Variants in RHBDL3 observed in about 807,000 individuals in gnomAD.
RHBDL3 encodes rhomboid-related protein 3.
In RHBDL3, 28 loss-of-function variants were observed where a neutral mutation model predicts 48.2. That is an observed-to-expected ratio of 0.58 (90% CI 0.43 to 0.80). RHBDL3 has a LOEUF of 0.80. Ranked by LOEUF, RHBDL3 falls within the 30% of genes least tolerant of loss-of-function variation. RHBDL3 has a pLI of 0.00. For missense variants in RHBDL3, 464 were observed against 542.7 expected (o/e 0.85, Z 1.44); for synonymous variants, 208 against 232.3 (o/e 0.90, Z 0.95).
intron 6 of RHBDL3, among the ~76,000 whole-genome samples, chr17:32,301,217 A>G (rs1191012513): frequency 1.3e-5 from 2 of 151,964 alleles, no homozygotes. Flanking sequence ...CTTGAGGCCA[A>G]TGTGAAAATC....
chr17:32,284,624 C>T, intron 2 of RHBDL3, 35 bp from the exon 3 acceptor site: 2 of 1,606,646 alleles, frequency 1.2e-6, no homozygotes, highest in Non-Finnish European at 1.7e-6. Flanking sequence ...GAGGTGGTGC[C>T]CTGCTGACCC....
At chr17:32,313,751 CTTTTTTTTTT>C (rs559422433) in intron 7 of RHBDL3, among the ~76,000 whole-genome samples, 3 of 98,638 alleles carry the variant, frequency 3.0e-5, no homozygotes, top group Non-Finnish European at 3.8e-5. Flanking sequence ...AATTCCCTCC[CTTTTTTTTTT>C]TTTTTTTTTT....
At chr17:32,271,236 A>G (rs149517051) in intron 2 of RHBDL3, among the ~76,000 whole-genome samples, 219 of 152,306 alleles carry the variant, frequency 1.4e-3, no homozygotes, top group African/African-American at 4.9e-3. Context: ...CTCCATCTGC[A>G]TCTGATTCCT....
intron 5 of RHBDL3, among the ~76,000 whole-genome samples, chr17:32,294,886 G>A (rs1051921271): frequency 6.6e-5 from 10 of 152,178 alleles, no homozygotes; most frequent in Non-Finnish European, 1.0e-4. Context: ...GAACTCTGAC[G>A]ATAATTATAG....
At chr17:32,272,741 G>C (rs1226224937) in intron 2 of RHBDL3, among the ~76,000 whole-genome samples, 2 of 152,210 alleles carry the variant, frequency 1.3e-5, no homozygotes, top group Non-Finnish European at 2.9e-5. Flanking sequence ...ACAGGGCCGA[G>C]GGATCCGAGG....
In RHBDL3 at chr17:32,272,797, G is replaced by A. The variant is rs186017126; in HGVS notation, c.135+4872G>A. ...TGCCTGACACATAATAGATACACAC[G>A]TTTGAGCGAACGACAGGTCGAACTA... is the stretch of plus-strand genomic sequence containing the variant. On this transcript the variant is annotated intron_variant, in intron 2 of 8. Coordinates refer to ENST00000269051, the MANE Select transcript of RHBDL3 (RefSeq NM_138328.3). Among the ~76,000 whole-genome samples, 42 of 152,320 alleles carry A rather than the reference G, an allele frequency of 2.8e-4. 2 individuals carry two copies. Among genetic ancestry groups the A allele is most frequent in the East Asian group, 1.5e-3 (8 of 5,172 alleles).
At chr17:32,280,469 T>TC (rs1374135521) in intron 2 of RHBDL3, 1 of 152,066 alleles carries the variant, frequency 6.6e-6, no homozygotes, top group Non-Finnish European at 1.5e-5. Context: ...ATCCCAGTCC[T>TC]CCTTAAGCAG....
chr17:32,302,253 T>A (rs925876040), intron 6 of RHBDL3, among the ~76,000 whole-genome samples: 19 of 152,366 alleles, frequency 1.2e-4, no homozygotes, highest in Middle Eastern at 3.4e-3. Context: ...AGGGCCTTTA[T>A]TACTGTGTTT....
intron 1 of RHBDL3, chr17:32,267,689 G>A (rs1597602007): frequency 1.2e-6 from 1 of 840,770 alleles, no homozygotes. Flanking sequence ...CTTACTGTGA[G>A]TTTCCTCCCT....
At chr17:32,297,322 G>C (rs897433076) in intron 5 of RHBDL3, among the ~76,000 whole-genome samples, 1 of 152,100 alleles carries the variant, frequency 6.6e-6, no homozygotes, top group Non-Finnish European at 1.5e-5. Context: ...ACAAAAATTA[G>C]CCGGGCATGG....
In RHBDL3 at chr17:32,321,234, T is replaced by C. The variant is rs1200523680; in HGVS notation, c.*5T>C. ...AAGCTGCCGCCTCCCCCCTGAGGGC[T>C]GGAGGCCCAAGGTCGGGGAGGGGAG... On this transcript the variant is annotated 3_prime_UTR_variant, in exon 9 of 9. Coordinates refer to ENST00000269051, the MANE Select transcript of RHBDL3 (RefSeq NM_138328.3). 1.9e-6 allele frequency: 3 copies of C among 1,614,034 alleles called. No homozygotes were observed. The highest frequency in any genetic ancestry group is 2.5e-6 in the Non-Finnish European group (3 of 1,180,018).
Position 32,299,473 on chromosome 17 carries a change from G to T in RHBDL3, c.781+1269G>T, listed in dbSNP as rs371222788. On this transcript the variant is annotated intron_variant, in intron 6 of 8. Transcript: ENST00000269051. ...ATGAGCATCTCTAAGTGCCAGACTT[G>T]TTCAGCCACCCACACACCCCCTAAT... 3.0e-4 allele frequency among the ~76,000 whole-genome samples: 45 copies of T among 152,282 alleles called. No individual in the cohort carries two copies. The South Asian group carries it at 9.1e-3, about 31-fold the overall frequency.
In RHBDL3 at chr17:32,321,582, T is replaced by G; in HGVS notation, c.*353T>G. On this transcript the variant is annotated 3_prime_UTR_variant, in exon 9 of 9. Transcript: ENST00000269051. ...CTGCTGCGGATTGAGCAGCAGCTTC[T>G]TCCTCCTCCTCTACCCTCAGAGACC... 7.2e-6 allele frequency: 3 copies of G among 416,506 alleles called. No individual in the cohort carries two copies. The highest frequency in any genetic ancestry group is 1.4e-5 in the Non-Finnish European group (3 of 221,490). The allele number at this position is 416,506 out of a possible 1,614,324, so 25.8% of individuals were successfully genotyped here. A position where few individuals can be genotyped will look rare whatever the true frequency, so the allele number is the denominator to read the frequency against.
At chr17:32,301,920 T>C (rs1162956991) in intron 6 of RHBDL3, among the ~76,000 whole-genome samples, 1 of 152,256 alleles carries the variant, frequency 6.6e-6, no homozygotes, top group Non-Finnish European at 1.5e-5. Flanking sequence ...AAAGAAGATG[T>C]TGAAGAACAC....
chr17:32,317,863 A>C (rs1173882054), intron 8 of RHBDL3, among the ~76,000 whole-genome samples: 1 of 152,140 alleles, frequency 6.6e-6, no homozygotes, highest in Admixed American at 6.5e-5. Context: ...ACCAAAGACC[A>C]AAGGCCAAAG....
chr17:32,281,289 G>T (rs2040036964), intron 2 of RHBDL3, among the ~76,000 whole-genome samples: 1 of 152,092 alleles, frequency 6.6e-6, no homozygotes, highest in African/African-American at 2.4e-5. Context: ...TTGAGGGGGA[G>T]AGCAGGTGGC....
rs538760119 is a variant in RHBDL3, at chr17:32,266,993, G to A, written c.111+693G>A. ...CTGCTGCTCGGGTCTCCATCCCTCC[G>A]GTCCTGCGGGCCGGCCCTGCGAAGC... On this transcript the variant is annotated intron_variant, in intron 1 of 8. Coordinates refer to ENST00000269051, the MANE Select transcript of RHBDL3 (RefSeq NM_138328.3). Among the ~76,000 whole-genome samples, 9 of 152,196 alleles carry A rather than the reference G, an allele frequency of 5.9e-5. No individual in the cohort carries two copies. In the South Asian group the frequency reaches 1.9e-3, roughly 31 times the overall value.
At chr17:32,293,273 G>A (rs2040375734) in intron 4 of RHBDL3, among the ~76,000 whole-genome samples, 1 of 151,890 alleles carries the variant, frequency 6.6e-6, no homozygotes, top group Non-Finnish European at 1.5e-5. Flanking sequence ...CAACATGAAT[G>A]TCATTTAATG....
intron 2 of RHBDL3, among the ~76,000 whole-genome samples, chr17:32,271,828 A>G (rs777647222): frequency 6.6e-6 from 1 of 152,206 alleles, no homozygotes; most frequent in Non-Finnish European, 1.5e-5. Context: ...GAGATCCCCA[A>G]TTTTGCTAAT....
Sources: gnomAD v4.1 joint callset for allele counts (sites outside exome capture counted in the v4.1 genomes callset) on GRCh38, gnomAD v4.1.1 for gene constraint, MANE v1.5 for transcripts, NCBI Gene and HGNC (gene_info 2026-07-23, HGNC 2026-07-21) for gene names.